The following GPHN variants were observed in gnomAD, a reference collection of about 807,000 sequenced individuals.
The protein encoded by GPHN is gephyrin.
A neutral mutation model predicts 95.5 loss-of-function variants in GPHN; 17 were observed. The ratio of observed to expected loss-of-function variants is 0.18; its 90% CI spans 0.12 to 0.27. The LOEUF is 0.27. Among genes scored for constraint, GPHN ranks in the 10% least tolerant of loss-of-function variants. The pLI is 1.00. For synonymous variants in GPHN, 320 were observed against 322.5 expected (o/e 0.99, Z 0.08); for missense variants, 660 against 978.1 (o/e 0.67, Z 4.34).
intron 5 of GPHN, among the ~76,000 whole-genome samples, chr14:66,902,377 A>G (rs1221812136): frequency 6.6e-6 from 1 of 151,984 alleles, no homozygotes; most frequent in East Asian, 1.9e-4. Flanking sequence ...TCTCATGCCT[A>G]ATTGCTCTGG....
intron 2 of GPHN, among the ~76,000 whole-genome samples, chr14:66,744,961 A>T (rs1298601187): frequency 1.3e-5 from 2 of 152,134 alleles, no homozygotes; most frequent in African/African-American, 4.8e-5. Flanking sequence ...AGAAGTTTCT[A>T]AAGTCTTAAG....
intron 16 of GPHN, among the ~76,000 whole-genome samples, chr14:67,117,003 A>G (rs1313334932): frequency 5.3e-5 from 8 of 152,214 alleles, no homozygotes; most frequent in Non-Finnish European, 1.5e-5. Context: ...TATCTGAACT[A>G]TCTGGGTGTA....
At chr14:67,399,425 G>A in the GPHN span, among the ~76,000 whole-genome samples, 1 of 146,862 alleles carries the variant, frequency 6.8e-6, no homozygotes, top group African/African-American at 2.6e-5. Flanking sequence ...GGAATAAAGA[G>A]AAGGGTAGTT....
the GPHN span, among the ~76,000 whole-genome samples, chr14:67,411,675 CG>C: frequency 6.6e-6 from 1 of 152,194 alleles, no homozygotes; most frequent in Non-Finnish European, 1.5e-5. Context: ...TTACAGAGCA[CG>C]CCTATATTAT....
At chr14:66,534,383 G>A (rs1299599896) in intron 1 of GPHN, among the ~76,000 whole-genome samples, 1 of 151,922 alleles carries the variant, frequency 6.6e-6, no homozygotes, top group Non-Finnish European at 1.5e-5. Flanking sequence ...TCATGTAAAG[G>A]GAATGACTTC....
the GPHN span, among the ~76,000 whole-genome samples, chr14:67,489,595 T>A: frequency 6.6e-6 from 1 of 152,134 alleles, no homozygotes; most frequent in African/African-American, 2.4e-5. Flanking sequence ...CCCTCCTCAC[T>A]CCTTTGCGAT....
At chr14:67,454,947 T>C in the GPHN span, among the ~76,000 whole-genome samples, 1 of 152,080 alleles carries the variant, frequency 6.6e-6, no homozygotes, top group Admixed American at 6.5e-5. Context: ...CCTCCTGGGT[T>C]TGAGTGATTC....
At chr14:66,782,859 CA>C (rs1245206156) in intron 3 of GPHN, among the ~76,000 whole-genome samples, 2 of 151,690 alleles carry the variant, frequency 1.3e-5, no homozygotes, top group African/African-American at 2.4e-5. Flanking sequence ...ACAAAAAAAC[CA>C]AAAGAAAGAA....
At chr14:67,142,276 G>A (rs17104041) in intron 17 of GPHN, among the ~76,000 whole-genome samples, 10,046 of 152,214 alleles carry the variant, frequency 0.066, 348 homozygotes, top group Middle Eastern at 0.085. Context: ...ATTACAGGTC[G>A]CATTGCCCAG....
intron 1 of GPHN, among the ~76,000 whole-genome samples, chr14:66,595,206 ATTAGT>A (rs2061922494): frequency 6.6e-6 from 1 of 152,228 alleles, no homozygotes; most frequent in Admixed American, 6.5e-5. Context: ...TGGGTTGTAA[ATTAGT>A]ATTACAGCCA....
chr14:66,792,573 T>G (rs181375970), intron 3 of GPHN, among the ~76,000 whole-genome samples: 3 of 152,036 alleles, frequency 2.0e-5, no homozygotes, highest in Non-Finnish European at 2.9e-5. Context: ...TAAAAAAGTT[T>G]GTTGTCAGCA....
the GPHN span, among the ~76,000 whole-genome samples, chr14:67,630,380 C>T: frequency 0.21 from 32,061 of 152,038 alleles, 4,275 homozygotes; most frequent in African/African-American, 0.38. Context: ...GTGCTACTGG[C>T]AAGGCCTCTG....
the GPHN span, among the ~76,000 whole-genome samples, chr14:67,502,702 A>G: frequency 6.6e-6 from 1 of 151,996 alleles, no homozygotes; most frequent in East Asian, 2.0e-4. Context: ...TCCACCCACC[A>G]TGGCCTCCCA....
intron 1 of GPHN, among the ~76,000 whole-genome samples, chr14:66,589,064 G>A (rs1213756931): frequency 1.3e-5 from 2 of 152,164 alleles, no homozygotes; most frequent in East Asian, 3.9e-4. Flanking sequence ...CCAGAAGAGA[G>A]TGGGGGCCAA....
chr14:67,674,697 G>A, the GPHN span: 1 of 460,766 alleles, frequency 2.2e-6, no homozygotes, highest in Non-Finnish European at 3.8e-6. Context: ...GCGCCGGCGC[G>A]AAAGCCTGAC....
the GPHN span, among the ~76,000 whole-genome samples, chr14:67,549,366 G>T: frequency 6.6e-6 from 1 of 151,954 alleles, no homozygotes; most frequent in Non-Finnish European, 1.5e-5. Flanking sequence ...CGCCTCCCAG[G>T]TTCAAGAGAT....
At chr14:66,674,943 A>G (rs1420411433) in intron 1 of GPHN, among the ~76,000 whole-genome samples, 5 of 152,194 alleles carry the variant, frequency 3.3e-5, no homozygotes, top group Non-Finnish European at 7.3e-5. Flanking sequence ...CAAACAGTGC[A>G]TAAGTTCCTG....
chr14:67,652,689 C>T, the GPHN span: 1 of 152,188 alleles, frequency 6.6e-6, no homozygotes, highest in South Asian at 2.1e-4. Flanking sequence ...TTCTTCCCTA[C>T]AATATAGAAC....
chr14:67,729,739 C>T, the GPHN span: 1 of 509,390 alleles, frequency 2.0e-6, no homozygotes, highest in East Asian at 5.1e-5. Context: ...TTTTAAATAC[C>T]AATTAGCACA....
Sources: allele counts gnomAD v4.1 joint callset (sites outside exome capture counted in the v4.1 genomes callset), GRCh38; gene constraint gnomAD v4.1.1; transcripts MANE v1.5; gene names NCBI Gene and HGNC (gene_info 2026-07-23, HGNC 2026-07-21).